UGGT1: variants seen among roughly 807,000 people sequenced by gnomAD.
UGGT1 encodes UDP-glucose glycoprotein glucosyltransferase 1, also known as UDP-glucose:glycoprotein glucosyltransferase 1.
Under a neutral mutation model 203.9 loss-of-function variants are expected in UGGT1, and 107 were observed. That is an observed-to-expected ratio of 0.52 (90% confidence interval 0.45 to 0.62). UGGT1 has a LOEUF of 0.62. UGGT1 is among the 20% of genes least tolerant of loss of function. The pLI is 0.00. For synonymous variants in UGGT1, 628 were observed against 653.5 expected (o/e 0.96, Z 0.59); for missense variants, 1,673 against 1,867.2 (o/e 0.90, Z 1.92).
rs1372365720 is a variant in UGGT1, at chr2:128,116,272, G to A, written c.801G>A (p.Glu267=). The A allele has an allele frequency of 1.2e-6, 2 of 1,604,502 alleles. No individual in the cohort carries two copies. The highest frequency in any genetic ancestry group is 1.7e-6 in the Non-Finnish European group (2 of 1,171,990). The change falls in exon 8 of 41, where the codon GAG becomes GAA. Residue 267 remains glutamate, a synonymous_variant. Coordinates refer to ENST00000259253, the MANE Select transcript of UGGT1 (RefSeq NM_020120.4). ...AKDDTQVKGT[E]VNTTVIGEND... ...TTTTCTATTCTTTCATAGGAACTGA[G>A]GTAAACACCACAGTGATTGGTGAAA...
intron 5 of UGGT1, among the ~76,000 whole-genome samples, chr2:128,110,889 C>CA (rs1687816811): frequency 6.6e-6 from 1 of 152,128 alleles, no homozygotes; most frequent in Non-Finnish European, 1.5e-5. Flanking sequence ...CCTCCTGTTA[C>CA]AATAAGGCTA....
chr2:128,116,514 T>G (rs771205734), intron 8 of UGGT1, among the ~76,000 whole-genome samples, 171 bp downstream of exon 8: 3 of 152,160 alleles, frequency 2.0e-5, no homozygotes, highest in Non-Finnish European at 2.9e-5. Context: ...TATAGTACAG[T>G]TTATGATTTC....
At chr2:128,170,219 A>G (rs777572804) in intron 26 of UGGT1, 69 bp from the exon 27 acceptor site, 274 of 1,296,398 alleles carry the variant, frequency 2.1e-4, no homozygotes, top group South Asian at 3.9e-4. Flanking sequence ...GTTGAAGGTT[A>G]TATTGTACAA....
At chr2:128,108,090 A>C in intron 4 of UGGT1, 22 bp downstream of exon 4, 1 of 1,613,882 alleles carries the variant, frequency 6.2e-7, no homozygotes, top group Non-Finnish European at 8.5e-7. Flanking sequence ...GCTCTTAAAG[A>C]ACAGCATTTT....
chr2:128,102,519 G>A (rs1203870027), intron 2 of UGGT1, among the ~76,000 whole-genome samples: 1 of 152,054 alleles, frequency 6.6e-6, no homozygotes, highest in Non-Finnish European at 1.5e-5. Flanking sequence ...ACAAAAATAT[G>A]CTGTAAAAAA....
chr2:128,126,684 CTTTTTTTTT>C (rs61353741), intron 11 of UGGT1, among the ~76,000 whole-genome samples: 3 of 119,728 alleles, frequency 2.5e-5, no homozygotes, highest in Non-Finnish European at 5.0e-5. Flanking sequence ...CAGGGTCAGT[CTTTTTTTTT>C]TTTTTTTTTG....
chr2:128,129,245 T>A, intron 13 of UGGT1, 66 bp downstream of exon 13: 3 of 1,530,806 alleles, frequency 2.0e-6, no homozygotes, highest in South Asian at 1.3e-5. Context: ...GTTTCTGATT[T>A]GTCTCTTATG....
rs1690700842 is a variant in UGGT1 at position 128,164,756 on chromosome 2, A to G, written c.2852A>G (p.Asp951Gly). The part of the protein sequence containing the change: ...DVASDLVMKV[D>G]ALLSAQPKGD... The stretch of plus-strand genomic sequence containing the variant: ...GCAAGCGACTTGGTAATGAAGGTGG[A>G]TGCTCTTCTGTCAGCGCAACCAAAA... Residue 951 changes from aspartate to glycine, a missense_variant, in exon 26 of 41, where the codon GAT becomes GGT. By Grantham distance (94) the Asp-to-Gly change is moderately conservative. Around this residue, in one of 4 missense-constraint regions of UGGT1, gnomAD observed 1,073 missense variants for 1,078.7 expected, o/e 0.99. Coordinates refer to ENST00000259253, the MANE Select transcript of UGGT1 (RefSeq NM_020120.4). 6.2e-7 allele frequency: 1 copy of G among 1,613,790 alleles called. No individual in the cohort carries two copies. Among genetic ancestry groups the G allele is most frequent in the Non-Finnish European group, 8.5e-7 (1 of 1,179,858 alleles).
intron 13 of UGGT1, among the ~76,000 whole-genome samples, chr2:128,130,885 T>C (rs993968284): frequency 2.6e-5 from 4 of 152,174 alleles, no homozygotes; most frequent in Non-Finnish European, 5.9e-5. Flanking sequence ...TTCAGCTTCC[T>C]GAATAGCTGG....
intron 2 of UGGT1, chr2:128,103,185 T>C (rs1043229014): frequency 1.1e-5 from 5 of 459,546 alleles, no homozygotes; most frequent in African/African-American, 1.0e-4. Flanking sequence ...TTTAAGACAG[T>C]GAAAGATCAC....
chr2:128,138,714 C>T lies in UGGT1; in HGVS notation c.1584-3C>T. The stretch of plus-strand genomic sequence containing the variant: ...TCTTTTTTTCTTTTCCCTTTCCCTC[C>T]AGAATTGGTTTTATCTTTGTGGTTA... On this transcript the variant is annotated splice_region_variant and splice_polypyrimidine_tract_variant and intron_variant, in intron 15 of 40. Transcript: ENST00000259253. 6.2e-7 allele frequency: 1 copy of T among 1,607,262 alleles called. No individual in the cohort carries two copies. The highest frequency in any genetic ancestry group is 8.5e-7 in the Non-Finnish European group (1 of 1,178,226).
intron 8 of UGGT1, among the ~76,000 whole-genome samples, chr2:128,119,314 G>A (rs571341078): frequency 1.6e-4 from 25 of 152,144 alleles, no homozygotes; most frequent in Non-Finnish European, 2.9e-4. Flanking sequence ...TGAGTTAGCC[G>A]GGCGCGGTAG....
rs1443181186 is a variant in UGGT1 at position 128,191,334 on chromosome 2, G to A, written c.*1592G>A. ...GCCTAGGAAGCCTCCCAGTCATCCT[G>A]AAGGACCTTTTGACTTTGCTTTTAT... On this transcript the variant is annotated 3_prime_UTR_variant, in exon 41 of 41. Transcript: ENST00000259253. 1 of 152,192 alleles carries A rather than the reference G, an allele frequency of 6.6e-6. No individual in the cohort carries two copies. Among genetic ancestry groups the A allele is most frequent in the African/African-American group, 2.4e-5 (1 of 41,452 alleles). 9.4% of individuals were successfully genotyped at this position (152,192 alleles called of 1,614,324 possible). A position where few individuals can be genotyped will look rare whatever the true frequency, so the allele number is the denominator to read the frequency against.
chr2:128,117,972 G>A (rs1688198850), intron 8 of UGGT1, among the ~76,000 whole-genome samples: 1 of 99,834 alleles, frequency 1.0e-5, no homozygotes. Flanking sequence ...GTGTGTGTGT[G>A]TGTGTCTGTG....
intron 1 of UGGT1, 167 bp downstream of exon 1, chr2:128,091,582 G>A: frequency 2.8e-6 from 4 of 1,441,206 alleles, no homozygotes; most frequent in East Asian, 2.7e-5. Flanking sequence ...TGCCCTCAGT[G>A]GTCTTCTTGG....
intron 18 of UGGT1, 90 bp downstream of exon 18, chr2:128,146,057 T>C (rs1689676001): frequency 1.3e-6 from 2 of 1,509,896 alleles, no homozygotes; most frequent in East Asian, 4.6e-5. Context: ...ATTCTTAGTA[T>C]CACTATTTGG....
chr2:128,123,006 A>G (rs1688452124), intron 10 of UGGT1, among the ~76,000 whole-genome samples, 180 bp from the exon 11 acceptor site: 1 of 152,202 alleles, frequency 6.6e-6, no homozygotes, highest in Non-Finnish European at 1.5e-5. Context: ...TTTGTATCTT[A>G]CAAAAAATAT....
intron 5 of UGGT1, 42 bp from the exon 6 acceptor site, chr2:128,113,042 C>G: frequency 7.0e-7 from 1 of 1,438,516 alleles, no homozygotes; most frequent in Non-Finnish European, 9.2e-7. Flanking sequence ...TAGTGTTTCA[C>G]AATTATTTTT....
At chr2:128,170,859 C>CT (rs1244053455) in intron 27 of UGGT1, among the ~76,000 whole-genome samples, 2 of 152,092 alleles carry the variant, frequency 1.3e-5, no homozygotes, top group South Asian at 2.1e-4. Context: ...AATCTCTAAC[C>CT]TTTTTTGTGA....
Sources: allele counts gnomAD v4.1 joint callset (sites outside exome capture counted in the v4.1 genomes callset), GRCh38; gene constraint gnomAD v4.1.1; regional missense constraint gnomAD v4.1.1; transcripts MANE v1.5; gene names NCBI Gene and HGNC (gene_info 2026-07-23, HGNC 2026-07-21).